The following MEIS2 variants were observed in gnomAD, a reference collection of about 807,000 sequenced individuals.
MEIS2 encodes the protein homeobox protein Meis2.
A neutral mutation model predicts 58.6 loss-of-function variants in MEIS2; 9 were observed. The ratio of observed to expected loss-of-function variants is 0.15; its 90% CI spans 0.09 to 0.27. The LOEUF (loss-of-function observed/expected upper bound fraction) is 0.27, where lower values mean the gene tolerates loss of function less well. MEIS2 is among the 10% of genes least tolerant of loss of function. The probability of loss-of-function intolerance (pLI) is 1.00; values close to 1 mark genes in which losing one functional copy is unlikely to be tolerated. For synonymous variants in MEIS2, 221 were observed against 228.4 expected (o/e 0.97, Z 0.29); for missense variants, 427 against 635.0 (o/e 0.67, Z 3.52).
At chr15:37,086,104 T>C (rs948314313) in intron 6 of MEIS2, among the ~76,000 whole-genome samples, 9 of 152,236 alleles carry the variant, frequency 5.9e-5, no homozygotes, top group African/African-American at 2.2e-4. Context: ...TTTTATGCAC[T>C]GCAGGCTTTT....
intron 8 of MEIS2, among the ~76,000 whole-genome samples, chr15:36,995,706 TAAAAAA>T (rs71821151): frequency 1.7e-3 from 7 of 4,122 alleles, no homozygotes; most frequent in East Asian, 6.9e-3. Context: ...TTACAGCTAC[TAAAAAA>T]AAAAAAAAAA....
intron 7 of MEIS2, among the ~76,000 whole-genome samples, chr15:37,073,453 C>A (rs919256379): frequency 6.6e-6 from 1 of 151,870 alleles, no homozygotes; most frequent in Non-Finnish European, 1.5e-5. Context: ...AGATAAGGAC[C>A]CTTGTGATTT....
intron 2 of MEIS2, among the ~76,000 whole-genome samples, chr15:37,097,022 G>C (rs1567296706): frequency 6.6e-6 from 1 of 152,166 alleles, no homozygotes; most frequent in Non-Finnish European, 1.5e-5. Context: ...CACAGTGTGG[G>C]GGCCAAAATA....
At chr15:37,077,544 T>C (rs1023705231) in intron 7 of MEIS2, among the ~76,000 whole-genome samples, 1 of 152,072 alleles carries the variant, frequency 6.6e-6, no homozygotes, top group African/African-American at 2.4e-5. Flanking sequence ...TAGTAATTTT[T>C]CCCCATGTCA....
intron 9 of MEIS2, among the ~76,000 whole-genome samples, chr15:36,920,422 C>T (rs111734383): frequency 0.017 from 2,574 of 152,342 alleles, 85 homozygotes; most frequent in African/African-American, 0.059. Context: ...GCTGGGATTA[C>T]AGGCGTGAGC....
chr15:37,020,399 C>T (rs1431667287), intron 8 of MEIS2, among the ~76,000 whole-genome samples: 2 of 152,182 alleles, frequency 1.3e-5, no homozygotes, highest in African/African-American at 4.8e-5. Flanking sequence ...ATATGTAAAA[C>T]TGAACTCTAA....
At chr15:36,916,064 T>TTAATGCTCGTAA (rs1256127677) in intron 9 of MEIS2, among the ~76,000 whole-genome samples, 1 of 152,162 alleles carries the variant, frequency 6.6e-6, no homozygotes, top group Non-Finnish European at 1.5e-5. Context: ...CAGGTGTCAG[T>TTAATGCTCGTAA]TAATGCTCAT....
chr15:36,981,502 C>G (rs186089687), intron 8 of MEIS2, among the ~76,000 whole-genome samples: 2 of 151,998 alleles, frequency 1.3e-5, no homozygotes, highest in East Asian at 1.9e-4. Flanking sequence ...TATAGGGAGA[C>G]TAGGGGTTCC....
intron 7 of MEIS2, among the ~76,000 whole-genome samples, chr15:37,080,984 C>T (rs989577445): frequency 6.6e-6 from 1 of 152,116 alleles, no homozygotes; most frequent in Non-Finnish European, 1.5e-5. Flanking sequence ...GTAGCTGTTT[C>T]ACTATCAGGT....
chr15:37,037,576 C>T (rs892186119), intron 7 of MEIS2, among the ~76,000 whole-genome samples: 8 of 152,122 alleles, frequency 5.3e-5, no homozygotes, highest in African/African-American at 1.9e-4. Flanking sequence ...AGGGTGCTCA[C>T]TTAATCAGAA....
At chr15:37,088,584 T>G (rs1035373263) in intron 6 of MEIS2, among the ~76,000 whole-genome samples, 2 of 152,168 alleles carry the variant, frequency 1.3e-5, no homozygotes, top group African/African-American at 2.4e-5. Flanking sequence ...AAAGTTGACA[T>G]AAGAAGTCAG....
At chr15:37,024,925 C>G (rs368406736) in intron 8 of MEIS2, among the ~76,000 whole-genome samples, 2 of 152,322 alleles carry the variant, frequency 1.3e-5, no homozygotes, top group East Asian at 3.9e-4. Context: ...AGTGACAATA[C>G]GTTTATTGTG....
chr15:37,069,555 G>C (rs1175063737), intron 7 of MEIS2, among the ~76,000 whole-genome samples: 1 of 152,126 alleles, frequency 6.6e-6, no homozygotes, highest in Non-Finnish European at 1.5e-5. Flanking sequence ...AGCCAAAAGG[G>C]GGTGTGACAC....
intron 8 of MEIS2, among the ~76,000 whole-genome samples, chr15:36,957,899 G>A (rs915367185): frequency 6.6e-6 from 1 of 152,134 alleles, no homozygotes; most frequent in African/African-American, 2.4e-5. Context: ...ACTGTTTTAT[G>A]AACACAATAT....
intron 8 of MEIS2, among the ~76,000 whole-genome samples, chr15:37,034,243 G>T (rs564603184): frequency 6.6e-6 from 1 of 152,252 alleles, no homozygotes; most frequent in South Asian, 2.1e-4. Context: ...ATCCTGCAAC[G>T]TGTCCCTCTC....
intron 8 of MEIS2, among the ~76,000 whole-genome samples, chr15:37,035,663 C>T (rs768597475): frequency 2.6e-5 from 4 of 152,156 alleles, no homozygotes; most frequent in South Asian, 2.1e-4. Flanking sequence ...CAGGCCAGAT[C>T]GATACACCTT....
chr15:37,096,130 G>A (rs117770859), intron 3 of MEIS2, 159 bp downstream of exon 3: 11 of 713,838 alleles, frequency 1.5e-5, no homozygotes, highest in Non-Finnish European at 2.4e-5. Flanking sequence ...CTTCCAATTC[G>A]CCCCCAGGCT....
chr15:36,895,514 C>T (rs527300847), intron 10 of MEIS2, among the ~76,000 whole-genome samples: 1 of 152,274 alleles, frequency 6.6e-6, no homozygotes, highest in South Asian at 2.1e-4. Flanking sequence ...TGCTTTTTTA[C>T]TTATCTCTTG....
chr15:36,982,998 G>GTGTT (rs2059978588), intron 8 of MEIS2, among the ~76,000 whole-genome samples: 1 of 151,986 alleles, frequency 6.6e-6, no homozygotes, highest in South Asian at 2.1e-4. Flanking sequence ...ATTGGGTTAT[G>GTGTT]TGTTTTCTTG....
Sources: gnomAD v4.1 joint callset for allele counts (sites outside exome capture counted in the v4.1 genomes callset) on GRCh38, gnomAD v4.1.1 for gene constraint, MANE v1.5 for transcripts, NCBI Gene and HGNC (gene_info 2026-07-23, HGNC 2026-07-21) for gene names.